The following TLE3 variants were observed in gnomAD, a reference collection of about 807,000 sequenced individuals.
TLE3 encodes TLE family member 3, transcriptional corepressor, also known as transducin-like enhancer protein 3.
In TLE3, 14 loss-of-function variants were observed where a neutral mutation model predicts 93.0. That is an observed-to-expected ratio of 0.15 (90% confidence interval 0.10 to 0.24). TLE3 has a LOEUF of 0.24. Among genes scored for constraint, TLE3 ranks in the 10% least tolerant of loss-of-function variants. The probability of loss-of-function intolerance (pLI) is 1.00; values close to 1 mark genes in which losing one functional copy is unlikely to be tolerated. For synonymous variants in TLE3, 451 were observed against 425.0 expected (o/e 1.06, Z -0.75); for missense variants, 693 against 1,046.6 (o/e 0.66, Z 4.66).
chr15:70,062,543 G>C (rs1166058820), intron 8 of TLE3, among the ~76,000 whole-genome samples: 1 of 152,210 alleles, frequency 6.6e-6, no homozygotes, highest in Non-Finnish European at 1.5e-5. Context: ...CCCGCCTCTG[G>C]CTGGCAGGCG....
intron 6 of TLE3, among the ~76,000 whole-genome samples, chr15:70,071,147 T>C (rs2057132561): frequency 6.6e-6 from 1 of 152,176 alleles, no homozygotes; most frequent in Admixed American, 6.5e-5. Flanking sequence ...GAAATATAGA[T>C]GCTGCCTTCT....
rs375118012 is a variant in TLE3 at position 70,052,485 on chromosome 15, C to A, written c.2014G>T (p.Ala672Ser). Residue 672 changes from alanine to serine, a missense_variant, in exon 18 of 20, where the codon GCT becomes TCT. Around this residue, in one of 4 missense-constraint regions of TLE3, gnomAD observed 153 missense variants for 379.9 expected, o/e 0.40. Transcript: ENST00000451782. The stretch of plus-strand genomic sequence containing the variant: ...ACGTTGCTGCTCTCCATGCCCACAG[C>A]CAGCCACTCCCCAGTGGGGCAGTAG... ...LGYCPTGEWL[A>S]VGMESSNVEV... is the part of the protein sequence containing the mutation. 6.2e-7 allele frequency: 1 copy of A among 1,613,852 alleles called. No individual in the cohort carries two copies. Among genetic ancestry groups the A allele is most frequent in the South Asian group, 1.1e-5 (1 of 91,056 alleles).
chr15:70,078,230 T>C (rs1320705245), intron 4 of TLE3, among the ~76,000 whole-genome samples: 1 of 152,018 alleles, frequency 6.6e-6, no homozygotes, highest in Non-Finnish European at 1.5e-5. Context: ...AATCAACTGA[T>C]AGTAGGAATG....
chr15:70,096,977 G>T lies in TLE3; in HGVS notation c.-179C>A. 1.3e-6 allele frequency: 1 copy of T among 740,908 alleles called. No individual in the cohort carries two copies. Among genetic ancestry groups the T allele is most frequent in the Non-Finnish European group, 2.3e-6 (1 of 442,552 alleles). The allele number at this position is 740,908 out of a possible 1,614,324, so 45.9% of individuals were successfully genotyped here. On this transcript the variant is annotated 5_prime_UTR_variant, in exon 1 of 20. Transcript: ENST00000451782. ...CAGAGTCGGGCGCCCGCCCCAAGTG[G>T]AGACAAAGAGCCGCGGAGCAGGCGG...
At chr15:70,069,862 G>A (rs146269156) in intron 6 of TLE3, among the ~76,000 whole-genome samples, 42 of 152,364 alleles carry the variant, frequency 2.8e-4, no homozygotes, top group African/African-American at 9.1e-4. Context: ...GCAGGCAGGC[G>A]GGCACAGCTA....
In TLE3 at chr15:70,096,983, A is replaced by C. The variant is rs2058598343; in HGVS notation, c.-185T>G. The C allele has an allele frequency of 2.8e-6, 2 of 713,636 alleles. No individual in the cohort carries two copies. The highest frequency in any genetic ancestry group is 2.4e-5 in the Admixed American group (1 of 42,152). The allele number at this position is 713,636 out of a possible 1,614,324, so 44.2% of individuals were successfully genotyped here. The stretch of plus-strand genomic sequence containing the variant: ...CGGGCGCCCGCCCCAAGTGGAGACA[A>C]AGAGCCGCGGAGCAGGCGGCAAAGT... On this transcript the variant is annotated 5_prime_UTR_variant, in exon 1 of 20. Transcript: ENST00000451782.
chr15:70,088,563 T>C (rs980931244), intron 4 of TLE3, among the ~76,000 whole-genome samples: 1 of 152,212 alleles, frequency 6.6e-6, no homozygotes, highest in African/African-American at 2.4e-5. Context: ...AACAAGGCCC[T>C]TGAGCACGCA....
rs540549766 is a variant in TLE3 at position 70,058,752 on chromosome 15, G to C, written c.829C>G (p.Arg277Gly). The change falls in exon 11 of 20, where the codon CGT becomes GGT. Residue 277 changes from arginine (R) to glycine (G), a missense_variant. Arg to Gly is a moderately radical substitution (Grantham distance 125). Transcript: ENST00000451782. The surrounding 1 kb of genome is among the most constrained non-coding windows in gnomAD (Gnocchi z 4.1). ...SPPENGLDKARSLKKDAPTSP... is the reference protein window; with the variant it reads ...SPPENGLDKAGSLKKDAPTSP... The stretch of plus-strand genomic sequence containing the variant: ...GTGGGGGCATCTTTTTTCAGGCTAC[G>C]GGCCTTGTCCAGCCCATTTTCAGGA... 7 of 1,610,866 alleles carry C rather than the reference G, an allele frequency of 4.3e-6. No individual in the cohort carries two copies. Among genetic ancestry groups the C allele is most frequent in the Non-Finnish European group, 5.9e-6 (7 of 1,178,718 alleles).
intron 6 of TLE3, among the ~76,000 whole-genome samples, chr15:70,073,590 A>G (rs1488974276): frequency 6.6e-6 from 1 of 152,230 alleles, no homozygotes; most frequent in Non-Finnish European, 1.5e-5. Flanking sequence ...GACCTATGGA[A>G]AAGACCTCTG....
rs368681612 is a variant in TLE3, at chr15:70,096,138, G to A, written c.125+23C>T. 2.1e-5 allele frequency: 32 copies of A among 1,541,710 alleles called. No individual in the cohort carries two copies. The African/African-American group carries it at 3.8e-4, about 19-fold the overall frequency. On this transcript the variant is annotated intron_variant, in intron 2 of 19. Transcript: ENST00000451782. ...GGACCCACCCCTCCCCGCCAGCCCCGGGGCGGCCCCCACCGGCCTTACCTG... is the reference window on the plus strand; with the variant it reads ...GGACCCACCCCTCCCCGCCAGCCCCAGGGCGGCCCCCACCGGCCTTACCTG...
chr15:70,086,140 T>G (rs546450696), intron 4 of TLE3, among the ~76,000 whole-genome samples: 1 of 152,320 alleles, frequency 6.6e-6, no homozygotes, highest in East Asian at 1.9e-4. Flanking sequence ...CTGAGCCCTC[T>G]GAGTGTCCTA....
At chr15:70,066,835 G>A (rs770925254) in intron 6 of TLE3, 17 of 250,596 alleles carry the variant, frequency 6.8e-5, no homozygotes, top group Non-Finnish European at 1.2e-4. Flanking sequence ...AAGAGTGGAG[G>A]CTTTGGAACT....
rs1180231951 is a variant in TLE3 at position 70,050,220 on chromosome 15, G to A, written c.2203-16C>T. 7.5e-6 allele frequency: 12 copies of A among 1,602,646 alleles called. No individual in the cohort carries two copies. In the East Asian group the frequency reaches 8.9e-5, roughly 12 times the overall value. ...ATTCTTTAGACTGGAGGAGGAAGACGAGGAGAAGCAGCAGGAAGGCGTGGG... is the reference window on the plus strand; with the variant it reads ...ATTCTTTAGACTGGAGGAGGAAGACAAGGAGAAGCAGCAGGAAGGCGTGGG... On this transcript the variant is annotated splice_polypyrimidine_tract_variant and intron_variant, in intron 19 of 19. Coordinates refer to ENST00000451782, the MANE Select transcript of TLE3 (RefSeq NM_001105192.3).
At chr15:70,076,613 G>A (rs2057458933) in intron 4 of TLE3, among the ~76,000 whole-genome samples, 1 of 152,104 alleles carries the variant, frequency 6.6e-6, no homozygotes. Flanking sequence ...GCTGATAAGC[G>A]GTCCTATGTG....
rs568434516 is a variant in TLE3 at position 70,071,962 on chromosome 15, C to T, written c.372+2571G>A. Among the ~76,000 whole-genome samples, 4 of 152,370 alleles carry T rather than the reference C, an allele frequency of 2.6e-5. No individual in the cohort carries two copies. In the East Asian group the frequency reaches 7.7e-4, roughly 29 times the overall value. The stretch of plus-strand genomic sequence containing the variant: ...AGAACGCCCTGACTAGATTAGCGGA[C>T]TCCTTCGCGGGAGTGCAGTCAAGCA... On this transcript the variant is annotated intron_variant, in intron 6 of 19. Transcript: ENST00000451782.
chr15:70,072,613 C>T (rs1283218920), intron 6 of TLE3, among the ~76,000 whole-genome samples: 1 of 152,220 alleles, frequency 6.6e-6, no homozygotes, highest in Admixed American at 6.5e-5. Flanking sequence ...GAGTCAGCCA[C>T]CTGGGCCTCT....
In TLE3 at chr15:70,096,851, G is replaced by A. The variant is rs1465638287; in HGVS notation, c.-53C>T. The A allele has an allele frequency of 1.3e-6, 2 of 1,597,794 alleles. No individual in the cohort carries two copies. Among genetic ancestry groups the A allele is most frequent in the Non-Finnish European group, 1.7e-6 (2 of 1,173,816 alleles). ...CGTGGAAGCGCCGAGAGCCCGGGCC[G>A]GGGAGGTGCGGGGGAGGGGGGAGCC... On this transcript the variant is annotated 5_prime_UTR_variant, in exon 1 of 20. Transcript: ENST00000451782.
At chr15:70,062,208 G>A (rs923177698) in intron 8 of TLE3, among the ~76,000 whole-genome samples, 1 of 152,218 alleles carries the variant, frequency 6.6e-6, no homozygotes, top group Admixed American at 6.5e-5. Flanking sequence ...CTTCCCCACA[G>A]CCGTGCAGGA....
At chr15:70,056,051 A>C in intron 14 of TLE3, 1 of 583,076 alleles carries the variant, frequency 1.7e-6, no homozygotes, top group South Asian at 1.9e-5. Context: ...GTGGCCATGT[A>C]CTTAGCTAAC....
Sources: allele counts gnomAD v4.1 joint callset (sites outside exome capture counted in the v4.1 genomes callset), GRCh38; gene constraint gnomAD v4.1.1; regional missense constraint gnomAD v4.1.1; non-coding constraint Gnocchi (gnomAD v3.1); transcripts MANE v1.5; gene names NCBI Gene and HGNC (gene_info 2026-07-23, HGNC 2026-07-21).